The following CTNND2 variants were observed in gnomAD, a reference collection of about 807,000 sequenced individuals.
CTNND2 encodes catenin delta-2.
In CTNND2, 22 loss-of-function variants were observed where a neutral mutation model predicts 144.4. That is an observed-to-expected ratio of 0.15 (90% CI 0.11 to 0.22). The LOEUF is 0.22. CTNND2 is among the 10% of genes least tolerant of loss of function. The pLI is 1.00. For synonymous variants in CTNND2, 751 were observed against 695.6 expected (o/e 1.08, Z -1.25); for missense variants, 1,353 against 1,618.8 (o/e 0.84, Z 2.82).
intron 2 of CTNND2, among the ~76,000 whole-genome samples, chr5:11,627,239 T>A (rs1412709826): frequency 6.6e-6 from 1 of 152,182 alleles, no homozygotes; most frequent in African/African-American, 2.4e-5. Flanking sequence ...GAAATGCCCT[T>A]CTAATTCTCA....
intron 3 of CTNND2, among the ~76,000 whole-genome samples, chr5:11,473,067 C>A (rs1194616708): frequency 6.6e-6 from 1 of 151,814 alleles, no homozygotes; most frequent in East Asian, 1.9e-4. Context: ...AAAACTCTGC[C>A]TCAAAAAAGA....
chr5:11,333,965 C>A (rs1194264206), intron 9 of CTNND2, among the ~76,000 whole-genome samples: 2 of 152,164 alleles, frequency 1.3e-5, no homozygotes, highest in Non-Finnish European at 2.9e-5. Flanking sequence ...TGCGGCCATC[C>A]TACCACACAC....
Position 11,304,965 on chromosome 5 carries a change from C to T in CTNND2, c.1628+41407G>A, listed in dbSNP as rs1209088312. ...GTTTATGTGCTTCCTTGCTTGCTTGCTTGCTTGCTGAATGAATGCATCTCG... is the reference window on the plus strand; with the variant it reads ...GTTTATGTGCTTCCTTGCTTGCTTGTTTGCTTGCTGAATGAATGCATCTCG... On this transcript the variant is annotated intron_variant, in intron 9 of 21. Transcript: ENST00000304623. Among the ~76,000 whole-genome samples the T allele has an allele frequency of 2.6e-5, 4 of 152,186 alleles. 1 individual carries two copies. Among genetic ancestry groups the T allele is most frequent in the East Asian group, 1.9e-4 (1 of 5,166 alleles).
intron 3 of CTNND2, among the ~76,000 whole-genome samples, chr5:11,470,980 A>ATATATATATATATATATATATATATT (rs1219093645): frequency 1.1e-5 from 1 of 91,534 alleles, no homozygotes; most frequent in African/African-American, 5.7e-5. Context: ...ATATATATAT[A>ATATATATATATATATATATATATATT]TTTTTTTTTT....
chr5:11,662,740 G>A (rs112312309), intron 2 of CTNND2, among the ~76,000 whole-genome samples: 1 of 152,146 alleles, frequency 6.6e-6, no homozygotes, highest in African/African-American at 2.4e-5. Flanking sequence ...GCATGCAAGA[G>A]ATCTAGGTTG....
At chr5:11,745,641 C>T (rs531800893) in intron 1 of CTNND2, among the ~76,000 whole-genome samples, 1 of 152,306 alleles carries the variant, frequency 6.6e-6, no homozygotes, top group East Asian at 1.9e-4. Context: ...ACACCAAATT[C>T]AGCATGAGTC....
intron 1 of CTNND2, among the ~76,000 whole-genome samples, chr5:11,804,855 G>A (rs1163830422): frequency 6.6e-6 from 1 of 152,086 alleles, no homozygotes; most frequent in Non-Finnish European, 1.5e-5. Flanking sequence ...AAACATTTAG[G>A]ATAGCAAGGA....
In CTNND2 at chr5:11,728,440, C is replaced by T. The variant is rs115385576; in HGVS notation, c.174+3696G>A. On this transcript the variant is annotated intron_variant, in intron 2 of 21. Transcript: ENST00000304623. ...TTATGGTGAGCCAAGATCGCACCAC[C>T]GCACTCTAGCCTGGGCGACAGAGCG... Among the ~76,000 whole-genome samples, 1,153 of 152,116 alleles carry T rather than the reference C, an allele frequency of 7.6e-3. 7 individuals carry two copies. Among genetic ancestry groups the T allele is most frequent in the Non-Finnish European group, 0.014 (931 of 67,974 alleles).
chr5:11,333,408 C>T (rs530666658), intron 9 of CTNND2, among the ~76,000 whole-genome samples: 2 of 152,262 alleles, frequency 1.3e-5, no homozygotes, highest in African/African-American at 4.8e-5. Context: ...GGACCACAGG[C>T]ATGTGCCACC....
chr5:11,556,527 A>C (rs538347725), intron 3 of CTNND2, among the ~76,000 whole-genome samples: 29 of 152,246 alleles, frequency 1.9e-4, no homozygotes, highest in Non-Finnish European at 1.6e-4. Flanking sequence ...TCTTCACTAA[A>C]TACTGTTAAC....
At chr5:11,128,781 TATATAA>T in intron 12 of CTNND2, among the ~76,000 whole-genome samples, 1 of 42,776 alleles carries the variant, frequency 2.3e-5, no homozygotes, top group Non-Finnish European at 4.5e-5. Context: ...ATATATAAAA[TATATAA>T]ATATATATTA....
chr5:11,328,717 T>C (rs1193723882), intron 9 of CTNND2, among the ~76,000 whole-genome samples: 1 of 119,818 alleles, frequency 8.3e-6, no homozygotes, highest in African/African-American at 3.1e-5. Flanking sequence ...CAGCCCCTCT[T>C]TGAAGATCTA....
chr5:11,565,074 AC>A lies in CTNND2; in HGVS notation c.175-19del. On this transcript the variant is annotated intron_variant, in intron 2 of 21. Transcript: ENST00000304623. The stretch of plus-strand genomic sequence containing the variant: ...TGTAATTCCTGAAAGAAACCCATCA[AC>A]AAGATCAATTCAATCATCTACATGA... 1 of 1,569,242 alleles carries A rather than the reference AC, an allele frequency of 6.4e-7. No homozygotes were observed. The highest frequency in any genetic ancestry group is 8.8e-7 in the Non-Finnish European group (1 of 1,139,412).
At chr5:11,636,042 C>T (rs1446335141) in intron 2 of CTNND2, among the ~76,000 whole-genome samples, 1 of 151,006 alleles carries the variant, frequency 6.6e-6, no homozygotes, top group Admixed American at 6.6e-5. Context: ...CCACCCCCGC[C>T]ACACACACAT....
At chr5:11,750,721 G>A (rs965963342) in intron 1 of CTNND2, among the ~76,000 whole-genome samples, 1 of 151,692 alleles carries the variant, frequency 6.6e-6, no homozygotes, top group Admixed American at 6.6e-5. Flanking sequence ...TTCAAAAACA[G>A]TAATTTTTAT....
chr5:11,545,287 A>G (rs1775133516), intron 3 of CTNND2, among the ~76,000 whole-genome samples: 1 of 152,046 alleles, frequency 6.6e-6, no homozygotes, highest in African/African-American at 2.4e-5. Context: ...GCACCACTGC[A>G]CTCCAGCCTG....
chr5:11,879,887 A>G (rs922118852), intron 1 of CTNND2, among the ~76,000 whole-genome samples: 1 of 152,176 alleles, frequency 6.6e-6, no homozygotes, highest in Non-Finnish European at 1.5e-5. Flanking sequence ...AGAGCTGGGC[A>G]TGGTCACATG....
intron 18 of CTNND2, among the ~76,000 whole-genome samples, chr5:11,011,405 TG>T (rs1321529481): frequency 6.6e-6 from 1 of 151,870 alleles, no homozygotes; most frequent in Admixed American, 6.6e-5. Flanking sequence ...TTAGTAGAGA[TG>T]GGGTTTTACC....
intron 9 of CTNND2, among the ~76,000 whole-genome samples, chr5:11,246,264 C>G (rs989883946): frequency 6.6e-6 from 1 of 152,160 alleles, no homozygotes; most frequent in African/African-American, 2.4e-5. Flanking sequence ...TCCCAGAATT[C>G]ATGTCCTCCT....
Sources: allele counts gnomAD v4.1 joint callset (sites outside exome capture counted in the v4.1 genomes callset), GRCh38; gene constraint gnomAD v4.1.1; transcripts MANE v1.5; gene names NCBI Gene and HGNC (gene_info 2026-07-23, HGNC 2026-07-21).